Variants in RARB observed in about 807,000 individuals in gnomAD.
RARB encodes HBV-activated protein.
A neutral mutation model predicts 51.9 loss-of-function variants in RARB; 17 were observed. That is an observed-to-expected ratio of 0.33 (90% CI 0.22 to 0.49). RARB has a LOEUF of 0.49. Ranked by LOEUF, RARB falls within the 20% of genes least tolerant of loss-of-function variation. RARB has a pLI of 0.99. For synonymous variants in RARB, 215 were observed against 195.4 expected, an observed-to-expected ratio of 1.10 and a Z score of -0.84; for missense variants, 369 against 550.8, an observed-to-expected ratio of 0.67 and a Z score of 3.30.
At chr3:24,855,662 T>G (rs1488935137) in intron 1 of RARB, among the ~76,000 whole-genome samples, 1 of 151,708 alleles carries the variant, frequency 6.6e-6, no homozygotes, top group Non-Finnish European at 1.5e-5. Context: ...ATGGATTGTT[T>G]AAAAAAATTT....
chr3:25,032,710 G>A (rs1241267938), intron 2 of RARB, among the ~76,000 whole-genome samples: 2 of 152,302 alleles, frequency 1.3e-5, no homozygotes, highest in South Asian at 2.1e-4. Flanking sequence ...ATAGATGGAA[G>A]GGAGGGTATT....
intron 5 of RARB, among the ~76,000 whole-genome samples, chr3:25,269,504 C>T (rs760300185): frequency 1.6e-4 from 25 of 152,192 alleles, no homozygotes; most frequent in Admixed American, 5.2e-4. Context: ...TCAATTTCTT[C>T]GGCTGTTCAA....
At chr3:25,049,944 T>C (rs1324614114) in intron 2 of RARB, among the ~76,000 whole-genome samples, 2 of 152,176 alleles carry the variant, frequency 1.3e-5, no homozygotes, top group East Asian at 3.8e-4. Context: ...AGACGGGTAG[T>C]TTGTTGTTAG....
chr3:25,415,049 C>T (rs764716445), intron 5 of RARB, among the ~76,000 whole-genome samples: 11 of 152,084 alleles, frequency 7.2e-5, no homozygotes, highest in Non-Finnish European at 1.3e-4. Flanking sequence ...ACCATGTTGG[C>T]CAGGCTTGTC....
chr3:25,352,580 T>C (rs145457369), intron 5 of RARB, among the ~76,000 whole-genome samples: 1 of 152,222 alleles, frequency 6.6e-6, no homozygotes, highest in African/African-American at 2.4e-5. Flanking sequence ...AAACTTAATG[T>C]TTTTCTTGTC....
chr3:25,368,823 T>C (rs1346565886), intron 5 of RARB, among the ~76,000 whole-genome samples: 1 of 152,222 alleles, frequency 6.6e-6, no homozygotes, highest in Non-Finnish European at 1.5e-5. Flanking sequence ...GTTTCATACC[T>C]ACAGATTCTA....
chr3:25,242,127 C>T (rs953618659), intron 5 of RARB, among the ~76,000 whole-genome samples: 1 of 152,142 alleles, frequency 6.6e-6, no homozygotes, highest in Non-Finnish European at 1.5e-5. Flanking sequence ...AGCATCTGTT[C>T]ATATCCTTCC....
chr3:25,124,329 A>G (rs1329180371), intron 3 of RARB, among the ~76,000 whole-genome samples: 1 of 152,210 alleles, frequency 6.6e-6, no homozygotes, highest in Non-Finnish European at 1.5e-5. Flanking sequence ...AGCCAAGATC[A>G]TGCCACTGCA....
intron 2 of RARB, among the ~76,000 whole-genome samples, chr3:24,981,895 C>G (rs765949283): frequency 2.6e-5 from 4 of 152,140 alleles, no homozygotes; most frequent in Non-Finnish European, 4.4e-5. Flanking sequence ...TAGACCAGAG[C>G]TATTCCTATT....
chr3:25,456,081 C>T (rs1402447117), intron 1 of RARB, among the ~76,000 whole-genome samples: 1 of 152,168 alleles, frequency 6.6e-6, no homozygotes, highest in Non-Finnish European at 1.5e-5. Flanking sequence ...TCTGCTGAGC[C>T]GGCAGAGTTT....
chr3:25,168,645 A>G (rs978071189), intron 4 of RARB, among the ~76,000 whole-genome samples: 7 of 152,232 alleles, frequency 4.6e-5, no homozygotes, highest in African/African-American at 1.4e-4. Flanking sequence ...TGTTACCATA[A>G]ATGTAAAAAT....
chr3:25,244,781 A>G (rs117808076), intron 5 of RARB, among the ~76,000 whole-genome samples: 5 of 152,300 alleles, frequency 3.3e-5, no homozygotes, highest in East Asian at 3.9e-4. Context: ...AGAAGCATGT[A>G]TATTGTGTTG....
At chr3:25,041,061 T>A (rs905481128) in intron 2 of RARB, among the ~76,000 whole-genome samples, 1 of 152,188 alleles carries the variant, frequency 6.6e-6, no homozygotes, top group African/African-American at 2.4e-5. Context: ...TGATTAAAAT[T>A]TTATTACACA....
intron 5 of RARB, among the ~76,000 whole-genome samples, chr3:25,262,664 C>A (rs1418484919): frequency 6.6e-6 from 1 of 152,170 alleles, no homozygotes; most frequent in Non-Finnish European, 1.5e-5. Context: ...TTTCCTCTTT[C>A]ACTTTTGAAG....
At chr3:25,121,536 G>T (rs191858835) in intron 3 of RARB, among the ~76,000 whole-genome samples, 1 of 152,224 alleles carries the variant, frequency 6.6e-6, no homozygotes, top group East Asian at 1.9e-4. Context: ...CACCTCTGTT[G>T]AAAACAGTGG....
intron 1 of RARB, among the ~76,000 whole-genome samples, chr3:24,836,751 T>C (rs1335969277): frequency 6.6e-6 from 1 of 152,132 alleles, no homozygotes; most frequent in Non-Finnish European, 1.5e-5. Flanking sequence ...GTTGAATAAA[T>C]GCACAAGGAG....
At chr3:25,298,899 C>T (rs1703977791) in intron 5 of RARB, among the ~76,000 whole-genome samples, 2 of 152,110 alleles carry the variant, frequency 1.3e-5, no homozygotes, top group Non-Finnish European at 2.9e-5. Flanking sequence ...ATTCCAAATT[C>T]CTGGAGAGAC....
At chr3:25,220,467 C>T (rs934974470) in intron 5 of RARB, among the ~76,000 whole-genome samples, 1 of 151,972 alleles carries the variant, frequency 6.6e-6, no homozygotes, top group Non-Finnish European at 1.5e-5. Flanking sequence ...GCTTTGTGTC[C>T]CCACCCAAAT....
At chr3:25,482,618 C>G (rs981844448) in intron 2 of RARB, among the ~76,000 whole-genome samples, 6 of 132,718 alleles carry the variant, frequency 4.5e-5, no homozygotes, top group Admixed American at 9.3e-5. Flanking sequence ...CGGCTCACTG[C>G]AACCTCTGCC....
Sources: gnomAD v4.1 joint callset for allele counts (sites outside exome capture counted in the v4.1 genomes callset) on GRCh38, gnomAD v4.1.1 for gene constraint, MANE v1.5 for transcripts, NCBI Gene and HGNC (gene_info 2026-07-23, HGNC 2026-07-21) for gene names.